LRRC4C: variants seen among roughly 807,000 people sequenced by gnomAD.
LRRC4C encodes the protein leucine-rich repeat-containing protein 4C.
LRRC4C carries 5 observed loss-of-function variants against 33.6 expected under a neutral mutation model. The ratio of observed to expected loss-of-function variants is 0.15; its 90% CI spans 0.08 to 0.31. LRRC4C has a LOEUF of 0.31. Ranked by LOEUF, LRRC4C falls within the 10% of genes least tolerant of loss-of-function variation. The pLI is 1.00. For missense variants in LRRC4C, 560 were observed against 796.7 expected (o/e 0.70, Z 3.58); for synonymous variants, 329 against 302.0 (o/e 1.09, Z -0.93).
intron 1 of LRRC4C, among the ~76,000 whole-genome samples, chr11:41,125,014 T>C (rs560088837): frequency 5.5e-4 from 84 of 152,274 alleles, no homozygotes; most frequent in Non-Finnish European, 8.5e-4. Flanking sequence ...CTACTGTATA[T>C]ATGTTTTCAG....
chr11:40,948,004 C>T (rs954647), intron 1 of LRRC4C, among the ~76,000 whole-genome samples: 37,058 of 151,950 alleles, frequency 0.24, 4,942 homozygotes, highest in Middle Eastern at 0.32. Context: ...GAAGTTAGAA[C>T]TGATATCTCT....
intron 3 of LRRC4C, among the ~76,000 whole-genome samples, chr11:40,423,658 T>G (rs950174082): frequency 6.6e-6 from 1 of 152,228 alleles, no homozygotes; most frequent in African/African-American, 2.4e-5. Flanking sequence ...ATGTTCTTAA[T>G]GATCATGTCT....
chr11:40,964,735 G>A (rs1057099779), intron 1 of LRRC4C, among the ~76,000 whole-genome samples: 1 of 151,874 alleles, frequency 6.6e-6, no homozygotes, highest in Non-Finnish European at 1.5e-5. Context: ...ATTCCATGGT[G>A]TATATGTGCC....
At chr11:40,465,430 C>G (rs906681955) in intron 3 of LRRC4C, among the ~76,000 whole-genome samples, 1 of 151,872 alleles carries the variant, frequency 6.6e-6, no homozygotes, top group Non-Finnish European at 1.5e-5. Flanking sequence ...ACCCTAAAAG[C>G]AAATGCAACA....
chr11:40,299,820 G>T (rs538492018), intron 4 of LRRC4C, among the ~76,000 whole-genome samples: 2 of 152,318 alleles, frequency 1.3e-5, no homozygotes, highest in South Asian at 4.1e-4. Context: ...AATATGGTCA[G>T]AATTTTACAG....
chr11:40,387,861 G>A (rs940528746), intron 3 of LRRC4C, among the ~76,000 whole-genome samples: 2 of 152,112 alleles, frequency 1.3e-5, no homozygotes, highest in Non-Finnish European at 2.9e-5. Flanking sequence ...CTTGCTGTTG[G>A]CAGCATTTTG....
At chr11:40,801,003 G>A (rs1384904056) in intron 2 of LRRC4C, among the ~76,000 whole-genome samples, 1 of 151,980 alleles carries the variant, frequency 6.6e-6, no homozygotes, top group African/African-American at 2.4e-5. Flanking sequence ...CTTCAACTTA[G>A]AGGGCTTGTT....
chr11:41,116,671 C>G (rs1275742711), intron 1 of LRRC4C, among the ~76,000 whole-genome samples: 1 of 152,010 alleles, frequency 6.6e-6, no homozygotes, highest in Non-Finnish European at 1.5e-5. Flanking sequence ...GTTGCTAAAA[C>G]CAATGAAAAT....
At chr11:40,803,310 G>T (rs1391099281) in intron 2 of LRRC4C, among the ~76,000 whole-genome samples, 1 of 152,140 alleles carries the variant, frequency 6.6e-6, no homozygotes, top group Non-Finnish European at 1.5e-5. Flanking sequence ...CTATATGAGA[G>T]GACCAGGGTT....
chr11:40,527,554 C>T (rs1227236524), intron 3 of LRRC4C, among the ~76,000 whole-genome samples: 3 of 152,022 alleles, frequency 2.0e-5, no homozygotes, highest in African/African-American at 7.2e-5. Flanking sequence ...TGTCATGACC[C>T]TCAGTCTTAG....
intron 1 of LRRC4C, among the ~76,000 whole-genome samples, chr11:41,346,530 C>T (rs1399147644): frequency 6.6e-6 from 1 of 152,214 alleles, no homozygotes; most frequent in African/African-American, 2.4e-5. Context: ...TGATGATATC[C>T]TAAAATGGGT....
chr11:41,327,692 G>T (rs902643040), intron 1 of LRRC4C, among the ~76,000 whole-genome samples: 1 of 152,104 alleles, frequency 6.6e-6, no homozygotes, highest in African/African-American at 2.4e-5. Flanking sequence ...GTCATGGGAG[G>T]GACCCCGTGG....
chr11:41,363,273 G>A (rs988260370), intron 1 of LRRC4C, among the ~76,000 whole-genome samples: 9 of 152,258 alleles, frequency 5.9e-5, no homozygotes, highest in Admixed American at 1.3e-4. Flanking sequence ...CCTGAGTCTT[G>A]AGTCATCCAC....
At chr11:40,958,921 T>A (rs770993630) in intron 1 of LRRC4C, among the ~76,000 whole-genome samples, 15 of 151,686 alleles carry the variant, frequency 9.9e-5, no homozygotes, top group Non-Finnish European at 1.9e-4. Flanking sequence ...GAAGATTAGA[T>A]CTAGTCATCC....
intron 1 of LRRC4C, among the ~76,000 whole-genome samples, chr11:40,965,598 T>G (rs548091815): frequency 7.2e-5 from 11 of 152,332 alleles, no homozygotes; most frequent in African/African-American, 2.6e-4. Context: ...GCTAGCCAGT[T>G]TTCCCAGCAC....
chr11:41,219,613 T>A (rs960715602), intron 1 of LRRC4C, among the ~76,000 whole-genome samples: 1 of 152,202 alleles, frequency 6.6e-6, no homozygotes, highest in Non-Finnish European at 1.5e-5. Flanking sequence ...TTTTTCTTTT[T>A]TCTCTAGCAG....
At chr11:40,611,152 GT>G (rs542860158) in intron 3 of LRRC4C, among the ~76,000 whole-genome samples, 64 of 151,902 alleles carry the variant, frequency 4.2e-4, no homozygotes, top group Admixed American at 7.9e-4. Flanking sequence ...AATTAAAATA[GT>G]ATGAAACTGG....
At chr11:40,983,917 A>C (rs355214) in intron 1 of LRRC4C, among the ~76,000 whole-genome samples, 39 of 151,986 alleles carry the variant, frequency 2.6e-4, no homozygotes, top group African/African-American at 9.4e-4. Flanking sequence ...TGACTATGGA[A>C]CATGTGAATG....
intron 1 of LRRC4C, among the ~76,000 whole-genome samples, chr11:41,198,050 TA>T (rs1028638079): frequency 6.6e-6 from 1 of 151,676 alleles, no homozygotes; most frequent in East Asian, 1.9e-4. Context: ...CTTCTGTGAA[TA>T]AAAAAAAGCT....
Sources: allele counts gnomAD v4.1 joint callset (sites outside exome capture counted in the v4.1 genomes callset), GRCh38; gene constraint gnomAD v4.1.1; transcripts MANE v1.5; gene names NCBI Gene and HGNC (gene_info 2026-07-23, HGNC 2026-07-21).